The following PCDH11X variants were observed in gnomAD, a reference collection of about 807,000 sequenced individuals.
PCDH11X encodes the protein protocadherin 11 X-linked, also known as protocadherin-11 X-linked.
Under a neutral mutation model 53.3 loss-of-function variants are expected in PCDH11X, and 18 were observed. That is an observed-to-expected ratio of 0.34 (90% CI 0.23 to 0.50). PCDH11X has a LOEUF of 0.50. Among genes scored for constraint, PCDH11X ranks in the 20% least tolerant of loss-of-function variants. PCDH11X has a pLI of 0.98. For missense variants in PCDH11X, 570 were observed against 1,032.4 expected, an observed-to-expected ratio of 0.55 and a Z score of 6.14; for synonymous variants, 279 against 393.3, an observed-to-expected ratio of 0.71 and a Z score of 3.44.
intron 6 of PCDH11X, among the ~76,000 whole-genome samples, chrX:92,147,007 GAAAT>G (rs1363345011): frequency 1.8e-5 from 2 of 110,323 alleles, no homozygotes; most frequent in Admixed American, 9.7e-5. Context: ...TCAAAATAAA[GAAAT>G]AAATACTCAG....
intron 7 of PCDH11X, among the ~76,000 whole-genome samples, chrX:92,244,225 C>G (rs764736927): frequency 7.3e-5 from 8 of 109,108 alleles, no homozygotes; most frequent in Non-Finnish European, 1.5e-4. Flanking sequence ...CTTCAATGAA[C>G]CTAGCTTTTT....
intron 8 of PCDH11X, among the ~76,000 whole-genome samples, chrX:92,353,238 T>A (rs1270630818): frequency 8.9e-6 from 1 of 112,213 alleles, no homozygotes; most frequent in Non-Finnish European, 1.9e-5. Flanking sequence ...CTCTAGGATT[T>A]TTATTTCACT....
intron 7 of PCDH11X, among the ~76,000 whole-genome samples, chrX:92,262,595 A>G: frequency 8.9e-6 from 1 of 111,833 alleles, no homozygotes; most frequent in Non-Finnish European, 1.9e-5. Context: ...TATGAACAAC[A>G]GAAACTATTG....
At chrX:92,379,978 C>CG (rs2070837489) in intron 8 of PCDH11X, among the ~76,000 whole-genome samples, 1 of 101,062 alleles carries the variant, frequency 9.9e-6, no homozygotes, top group African/African-American at 3.6e-5. Flanking sequence ...AAACACCACC[C>CG]CCCCCACCCC....
At chrX:92,113,600 G>A (rs2064568145) in intron 6 of PCDH11X, 9 of 1,197,559 alleles carry the variant, frequency 7.5e-6, no homozygotes, top group Non-Finnish European at 1.0e-5. Flanking sequence ...TTCTCGGTGA[G>A]CCAGTCCACC....
chrX:92,185,787 A>G (rs181202249), intron 6 of PCDH11X, among the ~76,000 whole-genome samples: 1 of 110,697 alleles, frequency 9.0e-6, no homozygotes, highest in African/African-American at 3.3e-5. Flanking sequence ...CCAAATCACA[A>G]TGAGAAATAA....
At chrX:91,920,646 T>C (rs1480017910) in intron 6 of PCDH11X, among the ~76,000 whole-genome samples, 2 of 111,623 alleles carry the variant, frequency 1.8e-5, no homozygotes, top group Non-Finnish European at 1.9e-5. Context: ...TGCTTCATAA[T>C]GTTTTCTTGA....
At chrX:91,893,311 G>C (rs1353570661) in intron 6 of PCDH11X, among the ~76,000 whole-genome samples, 1 of 108,409 alleles carries the variant, frequency 9.2e-6, no homozygotes, top group Admixed American at 9.9e-5. Context: ...TTATTGATCT[G>C]GATATAGTCC....
At chrX:92,238,787 T>G (rs1034647843) in intron 7 of PCDH11X, among the ~76,000 whole-genome samples, 5 of 111,652 alleles carry the variant, frequency 4.5e-5, no homozygotes, top group Non-Finnish European at 5.7e-5. Flanking sequence ...CAATAAACTA[T>G]ATCTTAATTA....
chrX:92,135,147 G>T (rs911785704), intron 6 of PCDH11X, among the ~76,000 whole-genome samples: 1 of 110,966 alleles, frequency 9.0e-6, no homozygotes, highest in African/African-American at 3.3e-5. Context: ...ATGGTAGTCT[G>T]TTGGATTTTA....
intron 4 of PCDH11X, among the ~76,000 whole-genome samples, chrX:91,823,732 T>G (rs981296612): frequency 2.7e-5 from 3 of 111,359 alleles, no homozygotes; most frequent in African/African-American, 9.8e-5. Context: ...GTTAGCTGGT[T>G]ATTTTGCTTG....
chrX:92,222,207 G>C (rs1454716023), intron 7 of PCDH11X, among the ~76,000 whole-genome samples: 2 of 110,404 alleles, frequency 1.8e-5, no homozygotes, highest in African/African-American at 3.3e-5. Flanking sequence ...AAAGTATTTT[G>C]TATCTCAGTT....
rs765779840 is a variant in PCDH11X, at chrX:91,829,546, A to T, written c.-44-5915A>T. ...GAACATCACCTCTCCATACCCCTTG[A>T]TCTCTTTAATTTTGTGATGCTATAC... On this transcript the variant is annotated intron_variant, in intron 4 of 10. Transcript: ENST00000682573. Among the ~76,000 whole-genome samples the T allele has an allele frequency of 2.7e-5, 3 of 109,583 alleles. No homozygotes were observed. The East Asian group carries it at 8.6e-4, about 31-fold the overall frequency.
Position 91,981,495 on chromosome X carries a change from C to CA in PCDH11X, c.3033+102229dup, listed in dbSNP as rs908930333. On this transcript the variant is annotated intron_variant, in intron 6 of 10. Coordinates refer to ENST00000682573, the MANE Select transcript of PCDH11X (RefSeq NM_032968.5). ...ATAAGTCCCCCACTGCTTGCTGTTG[C>CA]AAAAAAATGATTCATTAGAAAAAAA... Among the ~76,000 whole-genome samples, 6 of 110,414 alleles carry CA rather than the reference C, an allele frequency of 5.4e-5. No individual in the cohort carries two copies. In the South Asian group the frequency reaches 1.5e-3, roughly 28 times the overall value.
intron 5 of PCDH11X, among the ~76,000 whole-genome samples, chrX:91,874,571 C>T (rs898670829): frequency 1.9e-5 from 2 of 103,620 alleles, no homozygotes; most frequent in African/African-American, 7.0e-5. Context: ...TCTGAAATGC[C>T]ATCTTAAATT....
At chrX:92,576,727 T>G (rs1190867905) in intron 10 of PCDH11X, among the ~76,000 whole-genome samples, 1 of 109,150 alleles carries the variant, frequency 9.2e-6, no homozygotes, top group Non-Finnish European at 1.9e-5. Context: ...GTTTGCCTGT[T>G]TTTTTACTTT....
At chrX:92,465,953 A>T (rs1306165069) in intron 9 of PCDH11X, among the ~76,000 whole-genome samples, 2 of 111,326 alleles carry the variant, frequency 1.8e-5, no homozygotes, top group African/African-American at 6.5e-5. Flanking sequence ...ATGCAAACAT[A>T]ATTTTTTATT....
At chrX:92,415,568 A>C (rs997305056) in intron 9 of PCDH11X, among the ~76,000 whole-genome samples, 7 of 111,725 alleles carry the variant, frequency 6.3e-5, no homozygotes, top group African/African-American at 2.3e-4. Flanking sequence ...AAACAGTCCA[A>C]AATATGTCAG....
intron 6 of PCDH11X, among the ~76,000 whole-genome samples, chrX:92,076,974 A>G (rs2063782620): frequency 8.9e-6 from 1 of 111,866 alleles, no homozygotes; most frequent in South Asian, 3.7e-4. Context: ...GAAATATTGG[A>G]AATAATTTCT....
Sources: allele counts gnomAD v4.1 joint callset (sites outside exome capture counted in the v4.1 genomes callset), GRCh38; gene constraint gnomAD v4.1.1; transcripts MANE v1.5; gene names NCBI Gene and HGNC (gene_info 2026-07-23, HGNC 2026-07-21).